VWC2L: variants seen among roughly 807,000 people sequenced by gnomAD.
The protein encoded by VWC2L is von Willebrand factor C domain containing 2 like.
In VWC2L, 10 loss-of-function variants were observed where a neutral mutation model predicts 21.6. The ratio of observed to expected loss-of-function variants is 0.46; its 90% CI spans 0.29 to 0.78. The LOEUF (loss-of-function observed/expected upper bound fraction) is 0.78. VWC2L is among the 30% of genes least tolerant of loss of function. VWC2L has a pLI of 0.10. For synonymous variants in VWC2L, 96 were observed against 94.3 expected (o/e 1.02, Z -0.10); for missense variants, 209 against 277.1 (o/e 0.75, Z 1.74).
At chr2:214,418,188 T>A (rs1702384077) in intron 2 of VWC2L, among the ~76,000 whole-genome samples, 1 of 152,218 alleles carries the variant, frequency 6.6e-6, no homozygotes, top group Non-Finnish European at 1.5e-5. Context: ...TCCTTCCGTA[T>A]GTTCCCACGG....
chr2:214,497,878 T>C (rs1688833727), intron 3 of VWC2L, among the ~76,000 whole-genome samples: 1 of 152,230 alleles, frequency 6.6e-6, no homozygotes, highest in African/African-American at 2.4e-5. Context: ...ATAACTTCTG[T>C]TAAATCTGTA....
At chr2:214,448,865 T>C (rs1422627694) in intron 3 of VWC2L, among the ~76,000 whole-genome samples, 4 of 152,136 alleles carry the variant, frequency 2.6e-5, no homozygotes, top group Admixed American at 2.6e-4. Flanking sequence ...GGGCAGCTGT[T>C]CCCTTAGAAG....
chr2:214,542,501 AC>A lies in VWC2L; in HGVS notation c.521-33168del, dbSNP rs554477767. On this transcript the variant is annotated intron_variant, in intron 3 of 3. Transcript: ENST00000312504. ...TCCTGCTGCTGCCTGGCTCAGATCC[AC>A]CCTGACATCATTCATAAATGTGCAG... is the stretch of plus-strand genomic sequence containing the variant. Among the ~76,000 whole-genome samples the A allele has an allele frequency of 2.1e-3, 313 of 152,334 alleles. 1 individual carries two copies. Among genetic ancestry groups the A allele is most frequent in the African/African-American group, 7.2e-3 (301 of 41,578 alleles).
chr2:214,538,942 A>G (rs75208120), intron 3 of VWC2L, among the ~76,000 whole-genome samples: 7,962 of 152,126 alleles, frequency 0.052, 697 homozygotes, highest in African/African-American at 0.18. Flanking sequence ...TAAAACCTCT[A>G]TTGGGGAAAA....
chr2:214,555,376 C>T (rs932014442), intron 3 of VWC2L, among the ~76,000 whole-genome samples: 2 of 152,170 alleles, frequency 1.3e-5, no homozygotes, highest in African/African-American at 2.4e-5. Context: ...ACTGTGCCTT[C>T]GGCCTTGGTC....
intron 3 of VWC2L, among the ~76,000 whole-genome samples, chr2:214,546,563 C>T (rs892373121): frequency 6.6e-6 from 1 of 152,146 alleles, no homozygotes; most frequent in East Asian, 1.9e-4. Flanking sequence ...TGTTCACACA[C>T]AAACCGGGCA....
intron 2 of VWC2L, among the ~76,000 whole-genome samples, chr2:214,422,565 G>T (rs1010735510): frequency 6.6e-6 from 1 of 152,150 alleles, no homozygotes; most frequent in Non-Finnish European, 1.5e-5. Flanking sequence ...GAGAGTTGAA[G>T]TGATCAATGT....
chr2:214,522,260 A>T (rs372568847), intron 3 of VWC2L, among the ~76,000 whole-genome samples: 9 of 151,604 alleles, frequency 5.9e-5, no homozygotes, highest in Middle Eastern at 3.4e-3. Context: ...CTGTAGTCCC[A>T]GCTACTCCGG....
At chr2:214,470,012 GA>G (rs915802779) in intron 3 of VWC2L, among the ~76,000 whole-genome samples, 20 of 151,746 alleles carry the variant, frequency 1.3e-4, no homozygotes, top group African/African-American at 4.4e-4. Flanking sequence ...AAACAGTTCG[GA>G]AAAAAAAGCA....
At chr2:214,519,919 TCAAA>T (rs1168766508) in intron 3 of VWC2L, among the ~76,000 whole-genome samples, 3 of 152,162 alleles carry the variant, frequency 2.0e-5, no homozygotes, top group Non-Finnish European at 4.4e-5. Context: ...TCTACATGTT[TCAAA>T]CAATACCAAA....
At chr2:214,573,339 T>C (rs1202846602) in intron 3 of VWC2L, among the ~76,000 whole-genome samples, 1 of 152,160 alleles carries the variant, frequency 6.6e-6, no homozygotes, top group Non-Finnish European at 1.5e-5. Flanking sequence ...GGGAAAACTC[T>C]TACTGGATAA....
chr2:214,485,219 G>A (rs575677528), intron 3 of VWC2L, among the ~76,000 whole-genome samples: 4 of 152,046 alleles, frequency 2.6e-5, no homozygotes, highest in African/African-American at 7.2e-5. Flanking sequence ...CTCAGGTGGC[G>A]GAGTCAGGAG....
chr2:214,524,750 C>G (rs146233671), intron 3 of VWC2L, among the ~76,000 whole-genome samples: 5 of 152,128 alleles, frequency 3.3e-5, no homozygotes, highest in South Asian at 2.1e-4. Flanking sequence ...CTAATGCCCT[C>G]GTCTCTTCAA....
At chr2:214,440,362 A>G (rs1035871092) in intron 3 of VWC2L, among the ~76,000 whole-genome samples, 3 of 152,074 alleles carry the variant, frequency 2.0e-5, no homozygotes, top group Non-Finnish European at 2.9e-5. Context: ...AAGAACTAGC[A>G]ATACAAATGC....
At chr2:214,554,494 T>C (rs1407492283) in intron 3 of VWC2L, among the ~76,000 whole-genome samples, 1 of 151,894 alleles carries the variant, frequency 6.6e-6, no homozygotes, top group Non-Finnish European at 1.5e-5. Flanking sequence ...AGAAACCCCA[T>C]CTCCACTAAA....
intron 3 of VWC2L, among the ~76,000 whole-genome samples, chr2:214,492,219 T>TAGC (rs201431606): frequency 0.021 from 3,140 of 152,246 alleles, 71 homozygotes; most frequent in Admixed American, 0.072. Flanking sequence ...ACCCACTAAA[T>TAGC]AGCATAAAGC....
At chr2:214,463,240 T>C (rs1703167213) in intron 3 of VWC2L, among the ~76,000 whole-genome samples, 1 of 152,204 alleles carries the variant, frequency 6.6e-6, no homozygotes, top group Admixed American at 6.5e-5. Flanking sequence ...TGAATTTGTC[T>C]ATTTAACAGT....
chr2:214,470,696 G>T (rs1443320418), intron 3 of VWC2L, among the ~76,000 whole-genome samples: 1 of 151,760 alleles, frequency 6.6e-6, no homozygotes, highest in Non-Finnish European at 1.5e-5. Flanking sequence ...ATCACTTTAG[G>T]CCAGGAGTCC....
chr2:214,500,864 G>T (rs1688881550), intron 3 of VWC2L, among the ~76,000 whole-genome samples: 1 of 152,058 alleles, frequency 6.6e-6, no homozygotes, highest in Non-Finnish European at 1.5e-5. Flanking sequence ...TTAATTATTT[G>T]TCCTCTCTAG....
Sources: gnomAD v4.1 joint callset for allele counts (sites outside exome capture counted in the v4.1 genomes callset) on GRCh38, gnomAD v4.1.1 for gene constraint, MANE v1.5 for transcripts, NCBI Gene and HGNC (gene_info 2026-07-23, HGNC 2026-07-21) for gene names.